The following PCDHGB1 variants were observed in gnomAD, a reference collection of about 807,000 sequenced individuals.
PCDHGB1 encodes protocadherin gamma subfamily B, 1.
Under a neutral mutation model 56.6 loss-of-function variants are expected in PCDHGB1, and 34 were observed. The observed-to-expected ratio is 0.60, with a 90% confidence interval of 0.46 to 0.80. The LOEUF (loss-of-function observed/expected upper bound fraction) is 0.80. Ranked by LOEUF, PCDHGB1 falls within the 30% of genes least tolerant of loss-of-function variation. PCDHGB1 has a pLI of 0.00. For synonymous variants in PCDHGB1, 561 were observed against 505.9 expected, an observed-to-expected ratio of 1.11 and a Z score of -1.46; for missense variants, 1,278 against 1,204.6, an observed-to-expected ratio of 1.06 and a Z score of -0.90.
At chr5:141,479,982 C>T (rs368461965) in intron 1 of PCDHGB1, among the ~76,000 whole-genome samples, 1 of 152,192 alleles carries the variant, frequency 6.6e-6, no homozygotes, top group South Asian at 2.1e-4. Flanking sequence ...CTACCATTTA[C>T]CAACTAGGAG....
chr5:141,418,663 C>T, intron 1 of PCDHGB1: 1 of 1,613,960 alleles, frequency 6.2e-7, no homozygotes, highest in South Asian at 1.1e-5. Flanking sequence ...AGGCCACTGA[C>T]CAGGACGAGG....
intron 1 of PCDHGB1, chr5:141,409,054 T>TA: frequency 6.2e-7 from 1 of 1,614,028 alleles, no homozygotes; most frequent in African/African-American, 1.3e-5. Flanking sequence ...TCCGAAGCAC[T>TA]GCCCAGAGCA....
At chr5:141,438,053 C>T (rs1023159995) in intron 1 of PCDHGB1, among the ~76,000 whole-genome samples, 2 of 152,112 alleles carry the variant, frequency 1.3e-5, no homozygotes, top group African/African-American at 4.8e-5. Context: ...TTTGAGTTCA[C>T]TTTTAAGAAA....
At chr5:141,414,491 A>T in intron 1 of PCDHGB1, 1 of 1,613,962 alleles carries the variant, frequency 6.2e-7, no homozygotes, top group Non-Finnish European at 8.5e-7. Flanking sequence ...CTATCAACGG[A>T]AGCTCACTTT....
chr5:141,413,418 G>C (rs748857146), intron 1 of PCDHGB1: 1 of 1,614,084 alleles, frequency 6.2e-7, no homozygotes, highest in Admixed American at 1.7e-5. Context: ...TTTTCTCTCT[G>C]AACCCGCGCA....
chr5:141,383,220 CATCCTGATGGAAGATAAAATGA>C (rs1561595268), intron 1 of PCDHGB1: 5 of 1,613,982 alleles, frequency 3.1e-6, no homozygotes, highest in Non-Finnish European at 4.2e-6. Flanking sequence ...TAAACTTTAA[CATCCTGATGGAAGATAAAATGA>C]ATCTTTACCC....
In PCDHGB1 at chr5:141,476,374, GTTTGTGAACGACCGTC is replaced by G. The variant is rs1424626307; in HGVS notation, c.2410-18431_2410-18416del. 1 of 1,614,060 alleles carries G rather than the reference GTTTGTGAACGACCGTC, an allele frequency of 6.2e-7. No individual in the cohort carries two copies. The highest frequency in any genetic ancestry group is 1.3e-5 in the African/African-American group (1 of 74,922). Reference sequence around the variant, plus strand: ...AGGTGAACCGGGAGACCGGAGAGATGTTTGTGAACGACCGTCTGGATCGAGAGGAGCTGTGTGGGAC... The same window carrying G: ...AGGTGAACCGGGAGACCGGAGAGATGTGGATCGAGAGGAGCTGTGTGGGAC... On this transcript the variant is annotated intron_variant, in intron 1 of 3. Coordinates refer to ENST00000523390, the MANE Select transcript of PCDHGB1 (RefSeq NM_018922.3). The surrounding 1 kb of genome is among the most constrained non-coding windows in gnomAD (Gnocchi z 7.6).
At position 141,368,129 on chromosome 5, in the gene PCDHGB1, C is replaced by A. The variant is rs1188754487; in HGVS notation, c.2409+15460C>A. ...TGTTTCTTATTAAAATATTCTTAAT[C>A]CTTCAAATTTTGTACTTTTAAAACC... On this transcript the variant is annotated intron_variant, in intron 1 of 3. Transcript: ENST00000523390. Among the ~76,000 whole-genome samples, 9 of 152,216 alleles carry A rather than the reference C, an allele frequency of 5.9e-5. No individual in the cohort carries two copies. In the South Asian group the frequency reaches 1.2e-3, roughly 21 times the overall value.
intron 1 of PCDHGB1, chr5:141,421,871 CT>C: frequency 6.2e-7 from 1 of 1,613,756 alleles, no homozygotes; most frequent in Non-Finnish European, 8.5e-7. Flanking sequence ...CTCCTCACAG[CT>C]TTAGATGGAG....
chr5:141,354,371 C>CT (rs1554075239), intron 1 of PCDHGB1, among the ~76,000 whole-genome samples: 8 of 152,186 alleles, frequency 5.3e-5, no homozygotes, highest in African/African-American at 9.6e-5. Flanking sequence ...ACAAGATAGT[C>CT]ATATGCATAG....
rs2099648980 is a variant in PCDHGB1 at position 141,487,537 on chromosome 5, G to A, written c.2410-7270G>A. ...CTCGGAGTGATAGCTTCATGATGGT[G>A]AAGTCACCCAGTGCACCTATGGCAG... On this transcript the variant is annotated intron_variant, in intron 1 of 3. Transcript: ENST00000523390. The surrounding 1 kb of genome is among the most constrained non-coding windows in gnomAD (Gnocchi z 5.0). The A allele has an allele frequency of 1.2e-6, 2 of 1,614,188 alleles. No individual in the cohort carries two copies. Among genetic ancestry groups the A allele is most frequent in the Admixed American group, 1.7e-5 (1 of 60,028 alleles).
rs762910422 is a variant in PCDHGB1, at chr5:141,485,747, C to T, written c.2410-9060C>T. ...GAAGCGCAGCGACGGCAGCCTGGTCCCAGAGCTGCTCCTGGAGAAGCCTTT... is the reference window on the plus strand; with the variant it reads ...GAAGCGCAGCGACGGCAGCCTGGTCTCAGAGCTGCTCCTGGAGAAGCCTTT... On this transcript the variant is annotated intron_variant, in intron 1 of 3. Coordinates refer to ENST00000523390, the MANE Select transcript of PCDHGB1 (RefSeq NM_018922.3). This position sits in a 1 kb window ranked among gnomAD's most constrained non-coding sequence, Gnocchi z 5.7. 1 of 1,614,162 alleles carries T rather than the reference C, an allele frequency of 6.2e-7. No individual in the cohort carries two copies.
intron 1 of PCDHGB1, chr5:141,384,866 C>T: frequency 6.2e-7 from 1 of 1,613,720 alleles, no homozygotes; most frequent in African/African-American, 1.3e-5. Flanking sequence ...CCTCTGTCAG[C>T]CACCGTCACA....
At chr5:141,390,827 A>C (rs1026985432) in intron 1 of PCDHGB1, 1 of 164,666 alleles carries the variant, frequency 6.1e-6, no homozygotes, top group African/African-American at 2.4e-5. Flanking sequence ...TTTTATGTCC[A>C]TGGACCCCTT....
intron 1 of PCDHGB1, chr5:141,371,473 C>T: frequency 6.2e-7 from 1 of 1,613,958 alleles, no homozygotes; most frequent in Admixed American, 1.7e-5. Flanking sequence ...CAAGAAGATG[C>T]TGAGCTGGGG....
Position 141,420,255 on chromosome 5 carries a change from A to T in PCDHGB1, c.2409+67586A>T, listed in dbSNP as rs917458059. The T allele has an allele frequency of 2.5e-6, 4 of 1,569,630 alleles. No homozygotes were observed. The highest frequency in any genetic ancestry group is 1.4e-5 in the African/African-American group (1 of 73,152). On this transcript the variant is annotated intron_variant, in intron 1 of 3. Coordinates refer to ENST00000523390, the MANE Select transcript of PCDHGB1 (RefSeq NM_018922.3). ...ATTTTAACTCCCAGCGTTGAAGCAG[A>T]TAAGAAGATTCTTAAACAGGTAAGT...
intron 1 of PCDHGB1, among the ~76,000 whole-genome samples, chr5:141,447,233 G>A (rs565398752): frequency 2.6e-5 from 4 of 152,028 alleles, no homozygotes; most frequent in Non-Finnish European, 4.4e-5. Flanking sequence ...TCCGCCTCCC[G>A]GGTTCAAGTG....
chr5:141,356,260 A>G (rs1474852125), intron 1 of PCDHGB1: 2 of 1,566,346 alleles, frequency 1.3e-6, no homozygotes, highest in Non-Finnish European at 8.7e-7. Context: ...ATCTCTCACC[A>G]GCTCAGTCCA....
At position 141,376,453 on chromosome 5, in the gene PCDHGB1, T is replaced by G. The variant is rs779136467; in HGVS notation, c.2409+23784T>G. On this transcript the variant is annotated intron_variant, in intron 1 of 3. Transcript: ENST00000523390. ...AGGAGAGCTATGAGAAAAGCGAGCC[T>G]CTTCTGATAACTCAGGATTTACTTG... The G allele has an allele frequency of 1.9e-6, 3 of 1,614,166 alleles. No homozygotes were observed. The South Asian group carries it at 3.3e-5, about 18-fold the overall frequency.
Sources: gnomAD v4.1 joint callset for allele counts (sites outside exome capture counted in the v4.1 genomes callset) on GRCh38, gnomAD v4.1.1 for gene constraint, Gnocchi (gnomAD v3.1) non-coding constraint, MANE v1.5 for transcripts, NCBI Gene and HGNC (gene_info 2026-07-23, HGNC 2026-07-21) for gene names.